Variants in PFKFB4 observed in about 807,000 individuals in gnomAD.
PFKFB4 encodes 6-phosphofructo-2-kinase/fructose-2,6-bisphosphatase 4.
A neutral mutation model predicts 62.8 loss-of-function variants in PFKFB4; 42 were observed. The observed-to-expected ratio is 0.67, with a 90% CI of 0.52 to 0.86. PFKFB4 has a LOEUF of 0.86. Ranked by LOEUF, PFKFB4 falls within the 40% of genes least tolerant of loss-of-function variation. PFKFB4 has a pLI of 0.00. For missense variants in PFKFB4, 475 were observed against 627.2 expected (o/e 0.76, Z 2.59); for synonymous variants, 204 against 240.7 (o/e 0.85, Z 1.41).
intron 10 of PFKFB4, among the ~76,000 whole-genome samples, chr3:48,525,249 C>T (rs2042221056): frequency 6.6e-6 from 1 of 152,176 alleles, no homozygotes; most frequent in African/African-American, 2.4e-5. Context: ...TCCCCCACCT[C>T]AGGCCCTGCC....
At chr3:48,529,020 C>T (rs1274659815) in intron 9 of PFKFB4, among the ~76,000 whole-genome samples, 2 of 151,562 alleles carry the variant, frequency 1.3e-5, no homozygotes, top group East Asian at 1.9e-4. Flanking sequence ...GAACTGTATA[C>T]TTATTTATTT....
intron 9 of PFKFB4, among the ~76,000 whole-genome samples, chr3:48,528,423 AG>A (rs1227894412): frequency 6.6e-6 from 1 of 152,224 alleles, no homozygotes; most frequent in Non-Finnish European, 1.5e-5. Context: ...GCACTTTGGG[AG>A]GCCAAGGCAG....
At chr3:48,552,574 G>A (rs557847670) in intron 1 of PFKFB4, among the ~76,000 whole-genome samples, 2 of 152,236 alleles carry the variant, frequency 1.3e-5, no homozygotes, top group Non-Finnish European at 2.9e-5. Context: ...GTGGACAGCT[G>A]AGGCCCGCAT....
intron 4 of PFKFB4, among the ~76,000 whole-genome samples, chr3:48,541,606 C>T (rs1276419445): frequency 6.6e-6 from 1 of 152,150 alleles, no homozygotes. Context: ...CCAGCCAGGG[C>T]TCACTGGACA....
chr3:48,527,137 A>G (rs2042287768), intron 9 of PFKFB4, among the ~76,000 whole-genome samples: 1 of 152,138 alleles, frequency 6.6e-6, no homozygotes, highest in Admixed American at 6.6e-5. Context: ...CAGAGGGAGC[A>G]TGGCCCCGCT....
At chr3:48,527,885 C>T (rs1437978120) in intron 9 of PFKFB4, among the ~76,000 whole-genome samples, 4 of 151,956 alleles carry the variant, frequency 2.6e-5, no homozygotes, top group African/African-American at 9.7e-5. Context: ...GACGGGGTTT[C>T]GCCATGTTGA....
chr3:48,535,808 T>G (rs779057692), intron 8 of PFKFB4, 150 bp from the exon 9 acceptor site: 19 of 877,064 alleles, frequency 2.2e-5, no homozygotes, highest in Non-Finnish European at 3.2e-5. Context: ...ATGACACACA[T>G]GCTGACACAC....
chr3:48,536,091 C>T (rs1373420674), intron 8 of PFKFB4, among the ~76,000 whole-genome samples, 165 bp downstream of exon 8: 1 of 152,238 alleles, frequency 6.6e-6, no homozygotes, highest in East Asian at 1.9e-4. Flanking sequence ...GCTTGATGAC[C>T]TTCCCTACAT....
At chr3:48,554,722 C>A (rs1192211658) in intron 1 of PFKFB4, among the ~76,000 whole-genome samples, 2 of 152,174 alleles carry the variant, frequency 1.3e-5, no homozygotes, top group African/African-American at 2.4e-5. Context: ...TGACAGAATA[C>A]CCTGCCTCCG....
intron 4 of PFKFB4, among the ~76,000 whole-genome samples, chr3:48,541,282 A>G (rs1196456829): frequency 2.0e-5 from 3 of 151,576 alleles, no homozygotes; most frequent in Non-Finnish European, 1.5e-5. Context: ...CGCCTGCCAC[A>G]ACGCCCAGCT....
At chr3:48,560,688 A>G (rs903337557), upstream of PFKFB4, among the ~76,000 whole-genome samples, 1 of 152,134 alleles carries the variant, frequency 6.6e-6, no homozygotes, top group Non-Finnish European at 1.5e-5. Flanking sequence ...ATCATGTGAA[A>G]CCCATCCTAA....
At chr3:48,535,370 T>C (rs2042565436) in intron 9 of PFKFB4, 142 bp downstream of exon 9, 1 of 746,842 alleles carries the variant, frequency 1.3e-6, no homozygotes, top group Non-Finnish European at 2.2e-6. Context: ...CCTTTTCCTC[T>C]CTGCTCCCAG....
intron 2 of PFKFB4, 43 bp from the exon 3 acceptor site, chr3:48,550,003 C>T: frequency 6.7e-7 from 1 of 1,493,176 alleles, no homozygotes; most frequent in Non-Finnish European, 9.3e-7. Flanking sequence ...AACAGCAACC[C>T]CTACCAACCC....
chr3:48,556,820 C>T, upstream of PFKFB4: 1 of 1,567,688 alleles, frequency 6.4e-7, no homozygotes, highest in African/African-American at 1.4e-5. The surrounding 1 kb of genome is among the most constrained non-coding windows in gnomAD (Gnocchi z 5.7). Flanking sequence ...TCCAACCCAG[C>T]AGCCGGGCCA....
chr3:48,522,185 C>T lies in PFKFB4; in HGVS notation c.1286-135G>A, dbSNP rs539775421. The T allele has an allele frequency of 6.5e-6, 5 of 769,548 alleles. No individual in the cohort carries two copies. In the African/African-American group the frequency reaches 6.8e-5, roughly 10 times the overall value. 47.7% of individuals were successfully genotyped at this position (769,548 alleles called of 1,614,324 possible). A position where few individuals can be genotyped will look rare whatever the true frequency, so the allele number is the denominator to read the frequency against. On this transcript the variant is annotated intron_variant, in intron 12 of 13. Coordinates refer to ENST00000232375, the MANE Select transcript of PFKFB4 (RefSeq NM_004567.4). ...TCTCAGCCTCACTCTAGTTCTTCCA[C>T]TTTAGGCAGCTCTGGGGAGCCCCGG...
chr3:48,528,210 G>A (rs772057408), intron 9 of PFKFB4, among the ~76,000 whole-genome samples: 1 of 152,080 alleles, frequency 6.6e-6, no homozygotes, highest in African/African-American at 2.4e-5. Flanking sequence ...AAGCGCAGGC[G>A]GGTATGTGGA....
chr3:48,545,501 C>A (rs1340489577), intron 3 of PFKFB4, among the ~76,000 whole-genome samples: 2 of 152,176 alleles, frequency 1.3e-5, no homozygotes, highest in Non-Finnish European at 2.9e-5. Context: ...GGGCTCTCAT[C>A]AGGACGATAT....
Position 48,535,524 on chromosome 3 carries a change from G to A in PFKFB4, c.975C>T (p.Asn325=), listed in dbSNP as rs143601023. ...GVPYEQWKVL[N]EIDAGVCEEM... is the part of the protein sequence containing the mutation. ...GGACGGTAACTACCGCATCGATCTC[G>A]TTGAGGACCTTCCACTGTTCATAGG... The change falls in exon 9 of 14, where the codon AAC becomes AAT. Residue 325 remains asparagine, a synonymous_variant. Transcript: ENST00000232375. 9.3e-6 allele frequency: 15 copies of A among 1,613,786 alleles called. No individual in the cohort carries two copies. The African/African-American group carries it at 1.1e-4, about 11-fold the overall frequency.
chr3:48,527,430 G>A (rs1207324030), intron 9 of PFKFB4, among the ~76,000 whole-genome samples: 6 of 151,796 alleles, frequency 4.0e-5, no homozygotes, highest in East Asian at 1.9e-4. Context: ...ACAGGTGTGC[G>A]CCACCACACT....
Sources: allele counts gnomAD v4.1 joint callset (sites outside exome capture counted in the v4.1 genomes callset), GRCh38; gene constraint gnomAD v4.1.1; non-coding constraint Gnocchi (gnomAD v3.1); transcripts MANE v1.5; gene names NCBI Gene and HGNC (gene_info 2026-07-23, HGNC 2026-07-21).